GOLGA3: variants seen among roughly 807,000 people sequenced by gnomAD.
GOLGA3 encodes golgin subfamily A member 3.
GOLGA3 carries 75 observed loss-of-function variants against 169.4 expected under a neutral mutation model. That is an observed-to-expected ratio of 0.44 (90% CI 0.37 to 0.54). The LOEUF (loss-of-function observed/expected upper bound fraction) is 0.54. Among genes scored for constraint, GOLGA3 ranks in the 20% least tolerant of loss-of-function variants. The pLI is 0.00. For missense variants in GOLGA3, 1,899 were observed against 1,930.0 expected (o/e 0.98, Z 0.30); for synonymous variants, 824 against 822.4 (o/e 1.00, Z -0.03).
At chr12:132,779,779 C>G (rs370532597) in intron 18 of GOLGA3, among the ~76,000 whole-genome samples, 1 of 111,362 alleles carries the variant, frequency 9.0e-6, no homozygotes, top group Non-Finnish European at 1.9e-5. Flanking sequence ...ACACCCCCCC[C>G]GTGCACATAC....
At chr12:132,827,174 A>C (rs2136850601) in intron 1 of GOLGA3, among the ~76,000 whole-genome samples, 1 of 152,318 alleles carries the variant, frequency 6.6e-6, no homozygotes, top group Non-Finnish European at 1.5e-5. Context: ...ACCTGTTCCT[A>C]TCGGGTATTA....
At chr12:132,813,257 C>A (rs1050662128) in intron 4 of GOLGA3, 50 bp downstream of exon 4, 4 of 1,281,044 alleles carry the variant, frequency 3.1e-6, no homozygotes, top group Non-Finnish European at 2.3e-6. Flanking sequence ...CAACAGTTGT[C>A]TCTGGCACAG....
Position 132,773,195 on chromosome 12 carries a change from G to C in GOLGA3, c.4407C>G (p.Ser1469Arg). 2 of 1,582,240 alleles carry C rather than the reference G, an allele frequency of 1.3e-6. No homozygotes were observed. The highest frequency in any genetic ancestry group is 1.7e-6 in the Non-Finnish European group (2 of 1,162,864). ...SWTPLEPATA[S>R]PVPPGGHAGP... ...CGGCGTGACCCCCCGGGGGCACAGG[G>C]CTGGCAGTGGCTGGCTCCAGCGGCG... Residue 1469 changes from serine to arginine, a missense_variant, in exon 24 of 24, where the codon AGC (serine) becomes AGG (arginine). Coordinates refer to ENST00000450791, the MANE Select transcript of GOLGA3 (RefSeq NM_001389683.1).
chr12:132,810,468 TATGA>T (rs1008269530), intron 4 of GOLGA3, among the ~76,000 whole-genome samples: 2 of 152,214 alleles, frequency 1.3e-5, no homozygotes, highest in South Asian at 2.1e-4. Flanking sequence ...TATGATTATA[TATGA>T]ATATCATTAA....
intron 1 of GOLGA3, among the ~76,000 whole-genome samples, chr12:132,826,464 C>T (rs1470573653): frequency 4.0e-5 from 6 of 151,512 alleles, no homozygotes; most frequent in East Asian, 1.9e-4. Flanking sequence ...CAGCCAAAGA[C>T]GCTCAGGTTC....
intron 9 of GOLGA3, among the ~76,000 whole-genome samples, chr12:132,798,030 C>T (rs1593304069): frequency 6.6e-6 from 1 of 152,316 alleles, no homozygotes; most frequent in East Asian, 1.9e-4. Context: ...GGCCCAGGCC[C>T]AAGGCGGGGC....
chr12:132,804,586 G>A lies in GOLGA3; in HGVS notation c.1597+130C>T, dbSNP rs1345283650. The A allele has an allele frequency of 6.8e-6, 5 of 735,006 alleles. No individual in the cohort carries two copies. The highest frequency in any genetic ancestry group is 5.3e-5 in the African/African-American group (3 of 57,086). The allele number at this position is 735,006 out of a possible 1,614,324, so 45.5% of individuals were successfully genotyped here. ...AAGGAGGGAGCAGCGGGGACCAGTC[G>A]AGGAAGGAGGAGGGAGCAGCAAGGA... On this transcript the variant is annotated intron_variant, in intron 7 of 23. Transcript: ENST00000450791. This position sits in a 1 kb window ranked among gnomAD's most constrained non-coding sequence, Gnocchi z 4.1.
At chr12:132,817,139 ATGTGAACCCGC>A (rs1949994819) in intron 2 of GOLGA3, among the ~76,000 whole-genome samples, 1 of 147,118 alleles carries the variant, frequency 6.8e-6, no homozygotes, top group African/African-American at 2.6e-5. Context: ...CCACACTCTA[ATGTGAACCCGC>A]CCTCCACTCC....
intron 10 of GOLGA3, 110 bp downstream of exon 10, chr12:132,796,429 G>A (rs1052812067): frequency 7.6e-7 from 1 of 1,314,608 alleles, no homozygotes; most frequent in Non-Finnish European, 1.0e-6. Context: ...ACTCCCACCT[G>A]AGCGGACGTG....
intron 8 of GOLGA3, 116 bp from the exon 9 acceptor site, chr12:132,798,593 C>G (rs1454110082): frequency 1.2e-6 from 1 of 850,144 alleles, no homozygotes; most frequent in East Asian, 2.5e-5. Flanking sequence ...CAGTGTCTCC[C>G]ACGCAAGCCC....
At chr12:132,791,695 T>C (rs568125640) in intron 11 of GOLGA3, among the ~76,000 whole-genome samples, 35 of 112,954 alleles carry the variant, frequency 3.1e-4, no homozygotes, top group Middle Eastern at 8.3e-3. Context: ...AATATTACAC[T>C]GAGGGCTACA....
intron 4 of GOLGA3, among the ~76,000 whole-genome samples, chr12:132,812,082 G>A (rs1350859117): frequency 1.3e-5 from 2 of 151,212 alleles, no homozygotes; most frequent in Non-Finnish European, 2.9e-5. Context: ...CAGTTACTCG[G>A]GAGGCTGAGG....
In GOLGA3 at chr12:132,786,704, T is replaced by C. The variant is rs772450991; in HGVS notation, c.2895A>G (p.Gln965=). 3.1e-6 allele frequency: 5 copies of C among 1,588,872 alleles called. No homozygotes were observed. The highest frequency in any genetic ancestry group is 2.3e-5 in the East Asian group (1 of 43,008). ...ALKKQIEELQ[Q]EARKAITEQK... is the part of the protein sequence containing the mutation. ...ACATGCAGACTTACTTCCGGGCCTC[T>C]TGCTGCAACTCTTCGATTTGTTTCT... The change falls in exon 14 of 24, where the codon CAA becomes CAG. Residue 965 remains glutamine (Q), a synonymous_variant. Coordinates refer to ENST00000450791, the MANE Select transcript of GOLGA3 (RefSeq NM_001389683.1).
intron 2 of GOLGA3, among the ~76,000 whole-genome samples, chr12:132,820,209 C>T (rs992889318): frequency 6.6e-6 from 1 of 151,904 alleles, no homozygotes; most frequent in Non-Finnish European, 1.5e-5. Flanking sequence ...CGTGCTGACA[C>T]GCATCGATAG....
At chr12:132,781,431 C>T (rs534973493) in intron 17 of GOLGA3, among the ~76,000 whole-genome samples, 3 of 152,194 alleles carry the variant, frequency 2.0e-5, no homozygotes, top group Admixed American at 1.3e-4. Flanking sequence ...CGGTGGTGCA[C>T]GCCTGTAGTC....
At chr12:132,807,676 T>C (rs1391054566) in intron 5 of GOLGA3, among the ~76,000 whole-genome samples, 2 of 152,162 alleles carry the variant, frequency 1.3e-5, no homozygotes, top group Non-Finnish European at 2.9e-5. Context: ...AGAAAAGCTG[T>C]GTATCACCTG....
chr12:132,823,903 T>A (rs759896629), intron 1 of GOLGA3, among the ~76,000 whole-genome samples: 18 of 151,740 alleles, frequency 1.2e-4, no homozygotes, highest in Non-Finnish European at 2.6e-4. Flanking sequence ...GCCAACAAGG[T>A]GAAACCTCGT....
In GOLGA3 at chr12:132,777,098, A is replaced by G. The variant is rs77617445; in HGVS notation, c.3723-8T>C. 8,627 of 1,571,060 alleles carry G rather than the reference A, an allele frequency of 5.5e-3. 71 individuals carry two copies. Among genetic ancestry groups the G allele is most frequent in the Middle Eastern group, 0.032 (185 of 5,860 alleles). ...TGTTTCCCCTCCCGAATCCTAGCGT[A>G]AAAAAACAAGAAAGAAGGGAATCGC... On this transcript the variant is annotated splice_polypyrimidine_tract_variant and splice_region_variant and intron_variant, in intron 19 of 23. Coordinates refer to ENST00000450791, the MANE Select transcript of GOLGA3 (RefSeq NM_001389683.1). The surrounding 1 kb of genome is among the most constrained non-coding windows in gnomAD (Gnocchi z 4.7).
At position 132,808,338 on chromosome 12, in the gene GOLGA3, C is replaced by T. The variant is rs139919326; in HGVS notation, c.731G>A (p.Arg244Gln). 5 of 1,614,080 alleles carry T rather than the reference C, an allele frequency of 3.1e-6. No homozygotes were observed. The highest frequency in any genetic ancestry group is 1.1e-5 in the South Asian group (1 of 91,074). ...EKKTSKSSKI[R>Q]SLADYRTEDS... ...TTCAGTTCTGTAATCGGCCAGAGACCGGATTTTGCTTGATTTGGAAGTTTT... is the reference window on the plus strand; with the variant it reads ...TTCAGTTCTGTAATCGGCCAGAGACTGGATTTTGCTTGATTTGGAAGTTTT... The change falls in exon 5 of 24, where the codon CGG (arginine) becomes CAG (glutamine). Residue 244 changes from arginine to glutamine, a missense_variant. By Grantham distance (43) the Arg-to-Gln change is conservative. Transcript: ENST00000450791.
Sources: allele counts gnomAD v4.1 joint callset (sites outside exome capture counted in the v4.1 genomes callset), GRCh38; gene constraint gnomAD v4.1.1; non-coding constraint Gnocchi (gnomAD v3.1); transcripts MANE v1.5; gene names NCBI Gene and HGNC (gene_info 2026-07-23, HGNC 2026-07-21).